TEX38: variants seen among roughly 807,000 people sequenced by gnomAD.
TEX38 encodes testis-expressed protein 38.
TEX38 carries 5 observed loss-of-function variants against 2.7 expected under a neutral mutation model. The observed-to-expected ratio is 1.86, with a 90% CI of 0.97 to 3.90. The LOEUF is 3.90. Among genes scored for constraint, TEX38 ranks in the 30% most tolerant of loss-of-function variants. TEX38 has a pLI of 0.00. For missense variants in TEX38, 218 were observed against 247.9 expected (o/e 0.88, Z 0.81); for synonymous variants, 110 against 103.3 (o/e 1.06, Z -0.39).
At chr1:46,669,280 C>G (rs1428632496), upstream of TEX38, 3 of 388,188 alleles carry the variant, frequency 7.7e-6, no homozygotes, top group Non-Finnish European at 1.6e-5. Context: ...AGGGGCAGAG[C>G]CTTCAACTCT....
At chr1:46,669,895 C>A (rs967214837), upstream of TEX38, among the ~76,000 whole-genome samples, 15 of 152,096 alleles carry the variant, frequency 9.9e-5, no homozygotes, top group African/African-American at 3.6e-4. Flanking sequence ...TTGCTTAGGC[C>A]TTGGTTAAGG....
At chr1:46,672,816 A>G in intron 1 of TEX38, 57 bp from the exon 2 acceptor site, 3 of 1,446,068 alleles carry the variant, frequency 2.1e-6, no homozygotes, top group Non-Finnish European at 1.9e-6. Context: ...GAAACAGCTC[A>G]GGCCCCAAGC....
upstream of TEX38, among the ~76,000 whole-genome samples, chr1:46,671,286 G>T (rs917782312): frequency 3.9e-5 from 6 of 152,158 alleles, no homozygotes; most frequent in Non-Finnish European, 7.4e-5. Flanking sequence ...TGTGGAGGAC[G>T]AGGAGGGAAG....
In TEX38 at chr1:46,673,580, A is replaced by C. The variant is rs939899425; in HGVS notation, c.*124A>C. On this transcript the variant is annotated 3_prime_UTR_variant, in exon 2 of 2. Transcript: ENST00000334122. ...TGGATGTCATGCTATGAAACATTAA[A>C]AGAAAAAAAAAAAAGTCCAAGGCTC... The C allele has an allele frequency of 3.4e-4, 277 of 816,316 alleles. No individual in the cohort carries two copies. Among genetic ancestry groups the C allele is most frequent in the Non-Finnish European group, 4.4e-4 (253 of 569,312 alleles). 50.6% of individuals were successfully genotyped at this position (816,316 alleles called of 1,614,324 possible). A position where few individuals can be genotyped will look rare whatever the true frequency, so the allele number is the denominator to read the frequency against.
chr1:46,669,380 T>A, upstream of TEX38: 2 of 456,042 alleles, frequency 4.4e-6, no homozygotes, highest in South Asian at 3.1e-5. Flanking sequence ...GTCCTTCAAG[T>A]ATGCCAGCCC....
rs746727315 is a variant in TEX38 at position 46,673,050 on chromosome 1, G to A, written c.215G>A (p.Arg72Gln). The A allele has an allele frequency of 1.4e-5, 21 of 1,551,628 alleles. No individual in the cohort carries two copies. The highest frequency in any genetic ancestry group is 1.7e-4 in the Middle Eastern group (1 of 6,014). Residue 72 changes from arginine to glutamine, a missense_variant, in exon 2 of 2, where the codon CGA becomes CAA. Coordinates refer to ENST00000334122, the MANE Select transcript of TEX38 (RefSeq NM_001145474.4). ...CCATTGTTGTACTGGATTAACAAGC[G>A]ACGGCGCTACGGCATGAATGCAGCC... ...YSPLLYWINK[R>Q]RRYGMNAAIN...
rs1676634942 is a variant in TEX38 at position 46,673,550 on chromosome 1, C to A, written c.*94C>A. 1 of 1,034,022 alleles carries A rather than the reference C, an allele frequency of 9.7e-7. No individual in the cohort carries two copies. The highest frequency in any genetic ancestry group is 1.3e-6 in the Non-Finnish European group (1 of 746,042). The allele number at this position is 1,034,022 out of a possible 1,614,324, so 64.1% of individuals were successfully genotyped here. A position where few individuals can be genotyped will look rare whatever the true frequency, so the allele number is the denominator to read the frequency against. ...AGGTGGTATTGACAGAGGTCAGGACCCACCTGGATGTCATGCTATGAAACA... is the reference window on the plus strand; with the variant it reads ...AGGTGGTATTGACAGAGGTCAGGACACACCTGGATGTCATGCTATGAAACA... On this transcript the variant is annotated 3_prime_UTR_variant, in exon 2 of 2. Coordinates refer to ENST00000334122, the MANE Select transcript of TEX38 (RefSeq NM_001145474.4).
chr1:46,672,110 T>A, intron 1 of TEX38, 139 bp downstream of exon 1: 1 of 801,334 alleles, frequency 1.2e-6, no homozygotes, highest in Non-Finnish European at 1.9e-6. Context: ...TAGTCTACTC[T>A]AGAAAACTAA....
In TEX38 at chr1:46,671,916, G is replaced by C; in HGVS notation, c.-19G>C. 1.3e-6 allele frequency: 2 copies of C among 1,551,278 alleles called. No homozygotes were observed. Among genetic ancestry groups the C allele is most frequent in the African/African-American group, 2.7e-5 (2 of 73,162 alleles). ...TCCCTCTCCCCAGAGCCATCGGCCA[G>C]GTACCAAAGCTCAGCTGTATGGATT... is the stretch of plus-strand genomic sequence containing the variant. On this transcript the variant is annotated 5_prime_UTR_variant, in exon 1 of 2. Coordinates refer to ENST00000334122, the MANE Select transcript of TEX38 (RefSeq NM_001145474.4).
upstream of TEX38, among the ~76,000 whole-genome samples, chr1:46,670,214 T>TA (rs1040169618): frequency 2.4e-4 from 37 of 151,766 alleles, no homozygotes; most frequent in African/African-American, 4.8e-4. Flanking sequence ...GTGATAGTGA[T>TA]AAAAAAAAGT....
In TEX38 at chr1:46,673,246, G is replaced by A. The variant is rs557033219; in HGVS notation, c.411G>A (p.Gln137=). 6.4e-7 allele frequency: 1 copy of A among 1,551,040 alleles called. No homozygotes were observed. Among genetic ancestry groups the A allele is most frequent in the South Asian group, 1.2e-5 (1 of 83,942 alleles). The change falls in exon 2 of 2, where the codon CAG becomes CAA. Residue 137 remains glutamine, a synonymous_variant. Coordinates refer to ENST00000334122, the MANE Select transcript of TEX38 (RefSeq NM_001145474.4). The stretch of plus-strand genomic sequence containing the variant: ...AACCTGCACTGCAGCTGGCTCCACA[G>A]CAGCCCCAGGCCAGATCCCCATTCC... The part of the protein sequence containing the change: ...PLQPALQLAP[Q]QPQARSPFPL...
At chr1:46,670,462 G>A (rs769885831), upstream of TEX38, among the ~76,000 whole-genome samples, 1 of 152,158 alleles carries the variant, frequency 6.6e-6, no homozygotes, top group African/African-American at 2.4e-5. Flanking sequence ...TAACAGACTG[G>A]CAAGGAGGGA....
chr1:46,673,120 G>C lies in TEX38; in HGVS notation c.285G>C (p.Glu95Asp), dbSNP rs1443457626. Residue 95 changes from glutamate to aspartate, a missense_variant, in exon 2 of 2, where the codon GAG becomes GAC. Physicochemically the swap from Glu to Asp is conservative, Grantham distance 45 (BLOSUM62 2). Transcript: ENST00000334122. ...PAPAVTKTET[E>D]VQNPDVLWDL... ...CTGCTGTCACCAAGACTGAGACTGA[G>C]GTCCAGAATCCAGATGTTCTGTGGG... is the stretch of plus-strand genomic sequence containing the variant. The C allele has an allele frequency of 3.2e-6, 5 of 1,551,714 alleles. No individual in the cohort carries two copies. The South Asian group carries it at 3.6e-5, about 11-fold the overall frequency.
At chr1:46,669,773 G>A (rs673134), upstream of TEX38, among the ~76,000 whole-genome samples, 21,227 of 152,084 alleles carry the variant, frequency 0.14, 3,793 homozygotes, top group East Asian at 0.39. Flanking sequence ...GAGCCTTCCA[G>A]GTAGGGGAAA....
upstream of TEX38, chr1:46,671,811 G>A: frequency 1.0e-6 from 1 of 997,682 alleles, no homozygotes; most frequent in Non-Finnish European, 1.6e-6. Flanking sequence ...CTCCTTTAGA[G>A]AACAAAGGGC....
At chr1:46,669,973 A>G (rs1424559874), upstream of TEX38, among the ~76,000 whole-genome samples, 2 of 152,200 alleles carry the variant, frequency 1.3e-5, no homozygotes, top group South Asian at 2.1e-4. Context: ...AACATGATCT[A>G]CTTTTTAAAA....
chr1:46,669,164 A>G (rs188763390), upstream of TEX38: 29 of 265,120 alleles, frequency 1.1e-4, no homozygotes, highest in Non-Finnish European at 2.2e-4. Flanking sequence ...TCTGTGTCCC[A>G]CCTGCTCACA....
rs1676628123 is a variant in TEX38 at position 46,673,352 on chromosome 1, C to A, written c.517C>A (p.Pro173Thr). The change falls in exon 2 of 2, where the codon CCT (proline) becomes ACT (threonine). Residue 173 changes from proline (P) to threonine (T), a missense_variant. Transcript: ENST00000334122. ...CCTGCTGAACCACTCTGTCTCCTAT[C>A]CTTTGGCCACCTGTCCTGAAAGGAA... is the stretch of plus-strand genomic sequence containing the variant. ...PPLLNHSVSY[P>T]LATCPERNVL... is the part of the protein sequence containing the mutation. The A allele has an allele frequency of 6.4e-7, 1 of 1,551,756 alleles. No homozygotes were observed. The highest frequency in any genetic ancestry group is 1.4e-5 in the African/African-American group (1 of 73,044).
At chr1:46,670,703 A>C (rs1290449592), upstream of TEX38, among the ~76,000 whole-genome samples, 4 of 152,212 alleles carry the variant, frequency 2.6e-5, no homozygotes, top group Admixed American at 2.6e-4. Flanking sequence ...AGTAGGGGCC[A>C]GTGATATACG....
Sources: gnomAD v4.1 joint callset for allele counts (sites outside exome capture counted in the v4.1 genomes callset) on GRCh38, gnomAD v4.1.1 for gene constraint, MANE v1.5 for transcripts, NCBI Gene and HGNC (gene_info 2026-07-23, HGNC 2026-07-21) for gene names.